The following COL13A1 variants were observed in gnomAD, a reference collection of about 807,000 sequenced individuals.
The protein encoded by COL13A1 is collagen type XIII alpha 1 chain.
COL13A1 carries 89 observed loss-of-function variants against 130.9 expected under a neutral mutation model. The ratio of observed to expected loss-of-function variants is 0.68; its 90% CI spans 0.57 to 0.81. The LOEUF (loss-of-function observed/expected upper bound fraction) is 0.81, where lower values mean the gene tolerates loss of function less well. Among genes scored for constraint, COL13A1 ranks in the 30% least tolerant of loss-of-function variants. The pLI is 0.00. For synonymous variants in COL13A1, 402 were observed against 341.6 expected (o/e 1.18, Z -1.95); for missense variants, 879 against 934.6 (o/e 0.94, Z 0.78).
chr10:69,897,003 T>C (rs950507142), intron 13 of COL13A1, among the ~76,000 whole-genome samples: 1 of 152,140 alleles, frequency 6.6e-6, no homozygotes, highest in African/African-American at 2.4e-5. Flanking sequence ...GTAGTGTGTC[T>C]CCCGTTCTTA....
chr10:69,949,946 G>GCA (rs2069163788), intron 38 of COL13A1, among the ~76,000 whole-genome samples: 1 of 144,442 alleles, frequency 6.9e-6, no homozygotes, highest in Non-Finnish European at 1.6e-5. Flanking sequence ...GTGTGTGTGT[G>GCA]TGCGTGTGTT....
At chr10:69,958,646 C>A (rs1053723700) in intron 40 of COL13A1, 53 bp from the exon 41 acceptor site, 1 of 1,612,734 alleles carries the variant, frequency 6.2e-7, no homozygotes, top group African/African-American at 1.3e-5. Context: ...AGGAAATAAA[C>A]CTCTGCAGAC....
At chr10:69,814,067 G>A (rs12219391) in intron 1 of COL13A1, among the ~76,000 whole-genome samples, 23,807 of 152,240 alleles carry the variant, frequency 0.16, 1,967 homozygotes, top group Admixed American at 0.26. Context: ...AGTCTGCAAC[G>A]GGGCAGCCAG....
At position 69,930,382 on chromosome 10, in the gene COL13A1, T is replaced by C. The variant is rs1392359623; in HGVS notation, c.1531-18T>C. On this transcript the variant is annotated intron_variant, in intron 29 of 40. Transcript: ENST00000645393. ...CTCCATTAATGTGTCTAAGAAGCGT[T>C]TTTGGTATTTTCTAAAGGGACCTCG... The C allele has an allele frequency of 1.9e-6, 3 of 1,590,504 alleles. No individual in the cohort carries two copies.
At chr10:69,828,463 T>C (rs1564778809) in intron 2 of COL13A1, among the ~76,000 whole-genome samples, 1 of 152,174 alleles carries the variant, frequency 6.6e-6, no homozygotes, top group East Asian at 1.9e-4. Context: ...TCAGTGCTCA[T>C]ACCCCCCATC....
Position 69,952,796 on chromosome 10 carries a change from A to C in COL13A1, c.2059-86A>C, listed in dbSNP as rs527657998. 215 of 966,212 alleles carry C rather than the reference A, an allele frequency of 2.2e-4. No homozygotes were observed. The African/African-American group carries it at 3.1e-3, about 14-fold the overall frequency. The allele number at this position is 966,212 out of a possible 1,614,324, so 59.9% of individuals were successfully genotyped here. A position where few individuals can be genotyped will look rare whatever the true frequency, so the allele number is the denominator to read the frequency against. ...CATCTCTTTTTCCCTTTTTAATTTT[A>C]TTTTTCTTTTTCTGTCTTCAACCTT... On this transcript the variant is annotated intron_variant, in intron 38 of 40. Coordinates refer to ENST00000645393, the MANE Select transcript of COL13A1 (RefSeq NM_001368882.1).
At position 69,935,367 on chromosome 10, in the gene COL13A1, G is replaced by T. The variant is rs772290628; in HGVS notation, c.1746G>T (p.Gly582=). The T allele has an allele frequency of 6.3e-7, 1 of 1,576,722 alleles. No homozygotes were observed. ...NPGAEVPGLP[G]PEGPPGPPGL... ...GCTTTTAGGTTCCTGGGCTGCCAGGGCCAGAGGGGCCTCCCGGACCTCCGG... is the reference window on the plus strand; with the variant it reads ...GCTTTTAGGTTCCTGGGCTGCCAGGTCCAGAGGGGCCTCCCGGACCTCCGG... Residue 582 remains glycine, a synonymous_variant, in exon 32 of 41, where the codon GGG becomes GGT. Transcript: ENST00000645393.
Position 69,894,734 on chromosome 10 carries a change from T to C in COL13A1, c.657+33T>C, listed in dbSNP as rs200800622. 6.2e-6 allele frequency: 10 copies of C among 1,613,364 alleles called. No individual in the cohort carries two copies. The Admixed American group carries it at 1.7e-4, about 27-fold the overall frequency. ...CAGTGGAGGTTTCCTAGAGTCTCCA[T>C]CTCAGGAAATGGCCTCCCAGTTGGT... On this transcript the variant is annotated intron_variant, in intron 12 of 40. Transcript: ENST00000645393.
At chr10:69,811,417 G>A (rs1843014704) in intron 1 of COL13A1, among the ~76,000 whole-genome samples, 1 of 152,224 alleles carries the variant, frequency 6.6e-6, no homozygotes, top group African/African-American at 2.4e-5. Flanking sequence ...TGTAGGGCAG[G>A]TCAGAAAGGG....
intron 17 of COL13A1, among the ~76,000 whole-genome samples, chr10:69,912,501 G>A (rs527714274): frequency 6.6e-6 from 1 of 152,200 alleles, no homozygotes; most frequent in Admixed American, 6.5e-5. Context: ...CTGGCCTAGG[G>A]AAAAGACCCT....
At chr10:69,919,218 G>A (rs1490652927) in intron 20 of COL13A1, 130 bp downstream of exon 20, 1 of 1,210,900 alleles carries the variant, frequency 8.3e-7, no homozygotes, top group Non-Finnish European at 1.2e-6. Flanking sequence ...GCTAAGCAGA[G>A]AAGGGCCCAC....
chr10:69,835,772 C>T (rs774905960), intron 2 of COL13A1, among the ~76,000 whole-genome samples: 3 of 152,194 alleles, frequency 2.0e-5, no homozygotes, highest in African/African-American at 4.8e-5. Context: ...CGGCAGTGGC[C>T]GTGATGCTTG....
chr10:69,950,020 T>C (rs1383475138), intron 38 of COL13A1, among the ~76,000 whole-genome samples: 1 of 90,588 alleles, frequency 1.1e-5, no homozygotes, highest in Non-Finnish European at 2.4e-5. Context: ...ACGTCTCACT[T>C]CCTAAGTCCG....
chr10:69,819,194 C>A (rs1845400448), intron 1 of COL13A1, among the ~76,000 whole-genome samples: 1 of 152,342 alleles, frequency 6.6e-6, no homozygotes, highest in Non-Finnish European at 1.5e-5. Flanking sequence ...AGGCAATTCC[C>A]TTTCCCTTTC....
intron 39 of COL13A1, 61 bp downstream of exon 39, chr10:69,953,029 A>G: frequency 7.7e-7 from 1 of 1,298,062 alleles, no homozygotes; most frequent in Non-Finnish European, 1.0e-6. Context: ...TGTAAGTTGG[A>G]AACAAAGAAG....
intron 2 of COL13A1, among the ~76,000 whole-genome samples, chr10:69,849,850 A>C (rs1227749): frequency 0.97 from 147,496 of 152,310 alleles, 71,616 homozygotes; most frequent in Middle Eastern, 1. Flanking sequence ...TCCTTGAACC[A>C]AGCACCTTAT....
intron 14 of COL13A1, among the ~76,000 whole-genome samples, chr10:69,901,788 T>C (rs958385661): frequency 6.6e-6 from 1 of 152,140 alleles, no homozygotes; most frequent in Admixed American, 6.5e-5. Context: ...CATCTCCTCC[T>C]CCAGGGGGAG....
intron 21 of COL13A1, among the ~76,000 whole-genome samples, 200 bp from the exon 22 acceptor site, chr10:69,921,682 A>C (rs1304293069): frequency 2.0e-5 from 3 of 152,312 alleles, no homozygotes; most frequent in Middle Eastern, 3.4e-3. Flanking sequence ...TGCAGGTGTC[A>C]CCAACGCGAA....
intron 38 of COL13A1, 94 bp downstream of exon 38, chr10:69,947,436 C>A: frequency 8.2e-7 from 1 of 1,223,084 alleles, no homozygotes; most frequent in Non-Finnish European, 1.2e-6. Context: ...ACATGGCGAA[C>A]AGTTTTTCCT....
Sources: gnomAD v4.1 joint callset for allele counts (sites outside exome capture counted in the v4.1 genomes callset) on GRCh38, gnomAD v4.1.1 for gene constraint, MANE v1.5 for transcripts, NCBI Gene and HGNC (gene_info 2026-07-23, HGNC 2026-07-21) for gene names.